Variants in NCOR2 observed in about 807,000 individuals in gnomAD.
NCOR2 encodes nuclear receptor corepressor 2, also known as CTG repeat protein 26.
A neutral mutation model predicts 262.9 loss-of-function variants in NCOR2; 81 were observed. The ratio of observed to expected loss-of-function variants is 0.31; its 90% CI spans 0.26 to 0.37. The LOEUF is 0.37. Among genes scored for constraint, NCOR2 ranks in the 10% least tolerant of loss-of-function variants. The probability of loss-of-function intolerance (pLI) is 1.00; values close to 1 mark genes in which losing one functional copy is unlikely to be tolerated. For synonymous variants in NCOR2, 1,659 were observed against 1,559.3 expected, an observed-to-expected ratio of 1.06 and a Z score of -1.51; for missense variants, 3,385 against 3,621.4, an observed-to-expected ratio of 0.93 and a Z score of 1.68.
chr12:124,529,191 A>C (rs1276437488), intron 1 of NCOR2, among the ~76,000 whole-genome samples: 1 of 149,782 alleles, frequency 6.7e-6, no homozygotes, highest in African/African-American at 2.5e-5. Context: ...AAAAAAAAAA[A>C]AAAAAAAAAA....
At chr12:124,411,352 G>A (rs988394317) in intron 13 of NCOR2, among the ~76,000 whole-genome samples, 18 of 152,268 alleles carry the variant, frequency 1.2e-4, no homozygotes, top group African/African-American at 4.3e-4. Flanking sequence ...AGACCCAGAG[G>A]GACAGAGATG....
chr12:124,331,063 CTTT>C (rs747884076), intron 43 of NCOR2, among the ~76,000 whole-genome samples, 165 bp from the exon 46 acceptor site: 13 of 135,664 alleles, frequency 9.6e-5, no homozygotes, highest in Admixed American at 2.2e-4. Flanking sequence ...GTCTGCATTT[CTTT>C]TTTTTTTTTT....
intron 1 of NCOR2, among the ~76,000 whole-genome samples, chr12:124,554,119 G>A (rs2051806601): frequency 6.6e-6 from 1 of 152,254 alleles, no homozygotes; most frequent in Non-Finnish European, 1.5e-5. Context: ...GGCGTGAGCA[G>A]CGTGAACCCT....
At chr12:124,339,897 A>ACCCCCC in intron 37 of NCOR2, 109 bp downstream of exon 39, 9 of 176,238 alleles carry the variant, frequency 5.1e-5, no homozygotes, top group South Asian at 8.8e-5. Context: ...ACATCTGCCC[A>ACCCCCC]CCCACCCACC....
chr12:124,398,114 C>A lies in NCOR2; in HGVS notation c.1876+5G>T. 2 of 1,614,210 alleles carry A rather than the reference C, an allele frequency of 1.2e-6. No individual in the cohort carries two copies. Among genetic ancestry groups the A allele is most frequent in the Non-Finnish European group, 1.7e-6 (2 of 1,180,004 alleles). ...CAAGGCTTAAAGCCGCCACACACCC[C>A]TCACCTTTCTTGGCTGTTTCCATTT... On this transcript the variant is annotated splice_donor_5th_base_variant and intron_variant, in intron 16 of 46. Coordinates refer to ENST00000405201, the Ensembl canonical transcript of NCOR2.
intron 16 of NCOR2, chr12:124,388,722 C>A (rs564495151): frequency 7.7e-7 from 1 of 1,304,334 alleles, no homozygotes; most frequent in Non-Finnish European, 1.0e-6. Context: ...CCAAGTTTTC[C>A]GGAAACATAG....
At chr12:124,524,042 G>T (rs142206237) in intron 1 of NCOR2, among the ~76,000 whole-genome samples, 109 of 152,334 alleles carry the variant, frequency 7.2e-4, no homozygotes, top group African/African-American at 2.6e-3. Context: ...GACTTCCCAA[G>T]ACTTGAGACC....
intron 10 of NCOR2, among the ~76,000 whole-genome samples, chr12:124,427,432 G>A (rs1022264922): frequency 6.6e-6 from 1 of 152,236 alleles, no homozygotes; most frequent in African/African-American, 2.4e-5. Flanking sequence ...CCGCCACTCA[G>A]CTGGGCTCAC....
chr12:124,455,032 G>A (rs554845795), intron 6 of NCOR2, among the ~76,000 whole-genome samples: 2 of 152,322 alleles, frequency 1.3e-5, no homozygotes, highest in African/African-American at 2.4e-5. Flanking sequence ...ATGATGCTGA[G>A]TGAGAGAAAC....
chr12:124,345,053 G>C, intron 31 of NCOR2, 102 bp from the exon 34 acceptor site: 1 of 1,096,006 alleles, frequency 9.1e-7, no homozygotes, highest in Non-Finnish European at 1.3e-6. Flanking sequence ...CTATAAGATG[G>C]AAGTGACATC....
intron 3 of NCOR2, among the ~76,000 whole-genome samples, chr12:124,475,831 C>T (rs1188682858): frequency 2.0e-5 from 3 of 152,178 alleles, no homozygotes; most frequent in Non-Finnish European, 2.9e-5. Flanking sequence ...TCAGAAATGG[C>T]CACACATCTG....
At chr12:124,441,183 G>A (rs1208564431) in intron 7 of NCOR2, among the ~76,000 whole-genome samples, 7 of 152,208 alleles carry the variant, frequency 4.6e-5, no homozygotes, top group South Asian at 2.1e-4. Flanking sequence ...CGCGCTGCCC[G>A]GGCCATGGCT....
At chr12:124,338,160 G>C (rs2036049980) in intron 37 of NCOR2, among the ~76,000 whole-genome samples, 1 of 152,180 alleles carries the variant, frequency 6.6e-6, no homozygotes, top group Admixed American at 6.5e-5. Context: ...GCAAGTTGGG[G>C]CACAAGTACT....
rs1382961393 is a variant in NCOR2 at position 124,503,643 on chromosome 12, G to GGCGA, written c.-117-8276_-117-8275insTCGC. On this transcript the variant is annotated intron_variant, in intron 1 of 46. Coordinates refer to the NCOR2 transcript ENST00000404621. This position sits in a 1 kb window ranked among gnomAD's most constrained non-coding sequence, Gnocchi z 4.3. The stretch of plus-strand genomic sequence containing the variant: ...GGATGGATGGATGGATGGGCGAATG[G>GGCGA]ATGGATGGATGGATGGATGGACGGG... Among the ~76,000 whole-genome samples, 2 of 148,158 alleles carry GGCGA rather than the reference G, an allele frequency of 1.3e-5. No individual in the cohort carries two copies. Among genetic ancestry groups the GGCGA allele is most frequent in the African/African-American group, 5.1e-5 (2 of 39,180 alleles).
At chr12:124,458,649 C>T (rs2046007939) in intron 5 of NCOR2, among the ~76,000 whole-genome samples, 1 of 152,200 alleles carries the variant, frequency 6.6e-6, no homozygotes, top group Non-Finnish European at 1.5e-5. Context: ...ATGGGAGGTA[C>T]AGGCAGGAGT....
At chr12:124,407,095 G>A (rs2042316142) in intron 13 of NCOR2, among the ~76,000 whole-genome samples, 1 of 152,124 alleles carries the variant, frequency 6.6e-6, no homozygotes, top group Non-Finnish European at 1.5e-5. Context: ...CCCTGGGCTG[G>A]GGGTTCACAG....
rs1273412797 is a variant in NCOR2 at position 124,526,712 on chromosome 12, T to A, written c.-118+8853A>T. Among the ~76,000 whole-genome samples the A allele has an allele frequency of 7.2e-5, 11 of 152,046 alleles. No homozygotes were observed. The East Asian group carries it at 1.9e-3, about 27-fold the overall frequency. On this transcript the variant is annotated intron_variant, in intron 1 of 46. Transcript: ENST00000404621. ...AGCAAGAACCCCAGCAAAGCCAGCC[T>A]GGGGTGCACACAGCTCCCTGCGCTT... is the stretch of plus-strand genomic sequence containing the variant.
chr12:124,330,799 G>C, intron 44 of NCOR2, 46 bp downstream of exon 46: 1 of 1,547,480 alleles, frequency 6.5e-7, no homozygotes. Flanking sequence ...TGGGGAGGGA[G>C]CGGAGGGGAC....
At chr12:124,377,895 C>T (rs1235056992) in intron 18 of NCOR2, among the ~76,000 whole-genome samples, 1 of 151,230 alleles carries the variant, frequency 6.6e-6, no homozygotes, top group East Asian at 1.9e-4. Flanking sequence ...TAAACTGTGA[C>T]ATCGGATGGG....
Sources: gnomAD v4.1 joint callset for allele counts (sites outside exome capture counted in the v4.1 genomes callset) on GRCh38, gnomAD v4.1.1 for gene constraint, Gnocchi (gnomAD v3.1) non-coding constraint, MANE v1.5 for transcripts, NCBI Gene and HGNC (gene_info 2026-07-23, HGNC 2026-07-21) for gene names.